Variants in LDAF1 observed in about 807,000 individuals in gnomAD.
The protein encoded by LDAF1 is lipid droplet assembly factor 1.
A neutral mutation model predicts 13.5 loss-of-function variants in LDAF1; 7 were observed. The observed-to-expected ratio is 0.52, with a 90% confidence interval of 0.29 to 0.97. LDAF1 has a LOEUF of 0.97. LDAF1 is among the 50% of genes least tolerant of loss of function. The probability of loss-of-function intolerance (pLI) is 0.07; values close to 1 mark genes in which losing one functional copy is unlikely to be tolerated. For missense variants in LDAF1, 148 were observed against 193.2 expected, an observed-to-expected ratio of 0.77 and a Z score of 1.39; for synonymous variants, 69 against 77.1, an observed-to-expected ratio of 0.89 and a Z score of 0.55.
At chr16:21,160,304 A>G (rs1395822395) in intron 1 of LDAF1, among the ~76,000 whole-genome samples, 1 of 152,174 alleles carries the variant, frequency 6.6e-6, no homozygotes, top group Non-Finnish European at 1.5e-5. Context: ...TAAAAAATAT[A>G]TCTAATTTAA....
At chr16:21,159,488 GT>G in intron 1 of LDAF1, 2 of 1,581,746 alleles carry the variant, frequency 1.3e-6, no homozygotes, top group Non-Finnish European at 1.7e-6. Context: ...AACTTTCGAG[GT>G]AGCCGTTTTC....
chr16:21,177,991 G>A (rs1237383150), intron 4 of LDAF1, among the ~76,000 whole-genome samples: 1 of 152,076 alleles, frequency 6.6e-6, no homozygotes, highest in East Asian at 1.9e-4. Context: ...GGAATGGGGG[G>A]AAGAGGAGCT....
intron 4 of LDAF1, among the ~76,000 whole-genome samples, chr16:21,174,403 C>T (rs1159713126): frequency 6.6e-6 from 1 of 152,032 alleles, no homozygotes; most frequent in Admixed American, 6.6e-5. Flanking sequence ...TGCTATGTTG[C>T]CCAGGCTGTT....
intron 3 of LDAF1, among the ~76,000 whole-genome samples, chr16:21,173,018 C>G (rs898294196): frequency 2.0e-5 from 3 of 152,116 alleles, no homozygotes; most frequent in African/African-American, 7.2e-5. Flanking sequence ...TTTTCCCCCC[C>G]ACAGGCCCCA....
At chr16:21,178,386 C>G in intron 4 of LDAF1, 1 of 985,304 alleles carries the variant, frequency 1.0e-6, no homozygotes, top group Middle Eastern at 5.2e-4. Flanking sequence ...AGGCTTCTTT[C>G]TTAGTTTTTT....
At chr16:21,172,885 ACTGTGG>A in intron 3 of LDAF1, 1 of 979,052 alleles carries the variant, frequency 1.0e-6, no homozygotes, top group Non-Finnish European at 1.2e-6. Flanking sequence ...TGAAACCATC[ACTGTGG>A]CTGTGGGAGG....
chr16:21,162,981 T>C (rs1433679632), intron 2 of LDAF1, among the ~76,000 whole-genome samples: 5 of 152,376 alleles, frequency 3.3e-5, no homozygotes, highest in Non-Finnish European at 5.9e-5. Context: ...CCTCGTTTTA[T>C]GTGTATTTCT....
At chr16:21,164,321 G>T (rs551092066) in intron 2 of LDAF1, among the ~76,000 whole-genome samples, 11 of 152,264 alleles carry the variant, frequency 7.2e-5, no homozygotes, top group African/African-American at 2.6e-4. Context: ...ATGGCTTACT[G>T]TAGCCTCGAA....
chr16:21,172,846 T>C, intron 3 of LDAF1: 1 of 985,398 alleles, frequency 1.0e-6, no homozygotes, highest in African/African-American at 1.7e-5. Context: ...TGATGTTCTC[T>C]TCCTTCCAGC....
In LDAF1 at chr16:21,169,940, T is replaced by G. The variant is rs1256977899; in HGVS notation, c.97-497T>G. ...CTTTTTTTTTTTTTTTGAGACGGAGTTTCGCTCTTGTTATTCTTATTATCA... is the reference window on the plus strand; with the variant it reads ...CTTTTTTTTTTTTTTTGAGACGGAGGTTCGCTCTTGTTATTCTTATTATCA... On this transcript the variant is annotated intron_variant, in intron 2 of 4. Coordinates refer to ENST00000233047, the MANE Select transcript of LDAF1 (RefSeq NM_001301771.2). Among the ~76,000 whole-genome samples the G allele has an allele frequency of 3.4e-5, 5 of 145,520 alleles. No homozygotes were observed. In the East Asian group the frequency reaches 8.1e-4, roughly 24 times the overall value.
chr16:21,168,997 AATT>A (rs967827586), intron 2 of LDAF1, among the ~76,000 whole-genome samples: 21 of 139,698 alleles, frequency 1.5e-4, no homozygotes, highest in Non-Finnish European at 2.6e-4. Context: ...AAACATATAT[AATT>A]ATTATATTAT....
intron 2 of LDAF1, among the ~76,000 whole-genome samples, chr16:21,169,553 C>T (rs930041121): frequency 1.3e-5 from 2 of 152,178 alleles, no homozygotes; most frequent in African/African-American, 4.8e-5. Flanking sequence ...AAGCAATCTT[C>T]CTGCCTCGAC....
chr16:21,172,493 G>C (rs1401846534), intron 3 of LDAF1, among the ~76,000 whole-genome samples: 1 of 152,046 alleles, frequency 6.6e-6, no homozygotes, highest in Non-Finnish European at 1.5e-5. Context: ...AGAAAAAAGT[G>C]GTGTGTGTCT....
At chr16:21,179,069 G>T in intron 4 of LDAF1, 1 of 196,398 alleles carries the variant, frequency 5.1e-6, no homozygotes. Flanking sequence ...GAAATCAGAA[G>T]ATATGGTCTG....
At chr16:21,168,657 ATAT>A (rs1299565709) in intron 2 of LDAF1, among the ~76,000 whole-genome samples, 8 of 139,944 alleles carry the variant, frequency 5.7e-5, no homozygotes, top group Middle Eastern at 3.8e-3. Flanking sequence ...TAATTATACA[ATAT>A]TATAATTATG....
At chr16:21,164,102 C>T (rs1389896783) in intron 2 of LDAF1, among the ~76,000 whole-genome samples, 1 of 152,178 alleles carries the variant, frequency 6.6e-6, no homozygotes, top group Non-Finnish European at 1.5e-5. Flanking sequence ...GGGAATTTGC[C>T]TGGCTCCTGA....
chr16:21,177,498 C>G (rs1421317648), intron 4 of LDAF1, among the ~76,000 whole-genome samples: 1 of 151,968 alleles, frequency 6.6e-6, no homozygotes, highest in Non-Finnish European at 1.5e-5. Flanking sequence ...TGCAGATCTT[C>G]CAAATATATT....
At chr16:21,170,719 T>A in intron 3 of LDAF1, 114 bp downstream of exon 3, 21 of 1,290,038 alleles carry the variant, frequency 1.6e-5, no homozygotes, top group Non-Finnish European at 2.3e-5. Flanking sequence ...TTGCCCAGGC[T>A]GGTCTCAAAC....
chr16:21,159,317 C>T, intron 1 of LDAF1: 1 of 1,612,336 alleles, frequency 6.2e-7, no homozygotes, highest in Admixed American at 1.7e-5. Context: ...CGCGGACCCC[C>T]TCTCCACCTG....
Sources: gnomAD v4.1 joint callset for allele counts (sites outside exome capture counted in the v4.1 genomes callset) on GRCh38, gnomAD v4.1.1 for gene constraint, MANE v1.5 for transcripts, NCBI Gene and HGNC (gene_info 2026-07-23, HGNC 2026-07-21) for gene names.